Variants in NMNAT2 observed in about 807,000 individuals in gnomAD.
NMNAT2 encodes nicotinamide/nicotinic acid mononucleotide adenylyltransferase 2.
A neutral mutation model predicts 41.6 loss-of-function variants in NMNAT2; 11 were observed. That is an observed-to-expected ratio of 0.26 (90% CI 0.17 to 0.44). The LOEUF is 0.44. Ranked by LOEUF, NMNAT2 falls within the 20% of genes least tolerant of loss-of-function variation. NMNAT2 has a pLI of 1.00. For missense variants in NMNAT2, 288 were observed against 407.7 expected (o/e 0.71, Z 2.53); for synonymous variants, 148 against 151.2 (o/e 0.98, Z 0.16).
chr1:183,337,981 C>T (rs1662711029), intron 1 of NMNAT2, among the ~76,000 whole-genome samples: 2 of 151,904 alleles, frequency 1.3e-5, no homozygotes. Context: ...ACTGGTTGTT[C>T]TCTTATTATT....
intron 1 of NMNAT2, among the ~76,000 whole-genome samples, chr1:183,405,409 T>C (rs1025351051): frequency 2.6e-5 from 4 of 152,230 alleles, no homozygotes; most frequent in Non-Finnish European, 5.9e-5. Context: ...TGTTTACTTT[T>C]GCATATGTTT....
chr1:183,278,480 G>T, intron 8 of NMNAT2, 73 bp downstream of exon 8: 1 of 1,033,850 alleles, frequency 9.7e-7, no homozygotes, highest in Non-Finnish European at 1.5e-6. Flanking sequence ...GAAGACAGGA[G>T]GCCAAAATCA....
intron 1 of NMNAT2, among the ~76,000 whole-genome samples, chr1:183,342,125 C>T (rs114873994): frequency 1.3e-5 from 2 of 151,446 alleles, no homozygotes; most frequent in African/African-American, 4.9e-5. Flanking sequence ...GAGTGAGAAA[C>T]CTTCCACACT....
chr1:183,385,272 C>T (rs1311571485), intron 1 of NMNAT2, among the ~76,000 whole-genome samples: 5 of 152,070 alleles, frequency 3.3e-5, no homozygotes, highest in Non-Finnish European at 4.4e-5. Flanking sequence ...CAGGTATATA[C>T]GTGTGCCTGC....
At chr1:183,290,052 C>G in intron 4 of NMNAT2, 76 bp downstream of exon 4, 1 of 1,212,640 alleles carries the variant, frequency 8.2e-7, no homozygotes. Flanking sequence ...CTCTCCCTGC[C>G]TGGTTTCTGT....
At chr1:183,371,660 G>A (rs866722331) in intron 1 of NMNAT2, among the ~76,000 whole-genome samples, 21 of 152,326 alleles carry the variant, frequency 1.4e-4, no homozygotes, top group African/African-American at 4.8e-4. Context: ...AGTTTGAAGG[G>A]CCTGAAACTC....
chr1:183,385,768 G>C (rs1322434363), intron 1 of NMNAT2, among the ~76,000 whole-genome samples: 1 of 152,102 alleles, frequency 6.6e-6, no homozygotes, highest in Non-Finnish European at 1.5e-5. Context: ...ATCTGCATAT[G>C]GCATCATTTG....
chr1:183,292,015 T>C (rs533021432), intron 3 of NMNAT2, among the ~76,000 whole-genome samples: 184 of 152,196 alleles, frequency 1.2e-3, no homozygotes, highest in Non-Finnish European at 2.2e-3. Flanking sequence ...CATTCCTCAT[T>C]CTGAGGTCAG....
At chr1:183,413,756 G>T (rs1231415535) in intron 1 of NMNAT2, among the ~76,000 whole-genome samples, 2 of 151,614 alleles carry the variant, frequency 1.3e-5, no homozygotes, top group East Asian at 3.9e-4. Flanking sequence ...ACAGGCGCCC[G>T]CAACCACGCC....
intron 1 of NMNAT2, among the ~76,000 whole-genome samples, chr1:183,372,756 C>A (rs1315708624): frequency 6.6e-6 from 1 of 152,112 alleles, no homozygotes; most frequent in African/African-American, 2.4e-5. Flanking sequence ...TGGACGGTGA[C>A]CAAGATGGAC....
chr1:183,325,878 C>T (rs1365228859), intron 1 of NMNAT2, among the ~76,000 whole-genome samples: 6 of 152,160 alleles, frequency 3.9e-5, no homozygotes, highest in South Asian at 2.1e-4. Context: ...TATTCTATCC[C>T]GGGTACCCAG....
intron 1 of NMNAT2, among the ~76,000 whole-genome samples, chr1:183,397,184 G>A (rs773305532): frequency 7.9e-5 from 12 of 152,038 alleles, no homozygotes; most frequent in East Asian, 1.9e-4. Flanking sequence ...TTTCCAACCC[G>A]TCCTTGAATT....
rs190389741 is a variant in NMNAT2, at chr1:183,367,953, G to A, written c.85+50230C>T. On this transcript the variant is annotated intron_variant, in intron 1 of 10. Transcript: ENST00000287713. ...GCACAAGCTATTCTGTTACTAGTCTGCAACTCAATAAGCAAAGAAATGGAG... is the reference window on the plus strand; with the variant it reads ...GCACAAGCTATTCTGTTACTAGTCTACAACTCAATAAGCAAAGAAATGGAG... Among the ~76,000 whole-genome samples the A allele has an allele frequency of 1.1e-3, 171 of 152,198 alleles. 5 individuals carry two copies. The highest frequency in any genetic ancestry group is 1.9e-4 in the East Asian group (1 of 5,188).
At chr1:183,331,420 T>C (rs967135635) in intron 1 of NMNAT2, among the ~76,000 whole-genome samples, 1 of 152,012 alleles carries the variant, frequency 6.6e-6, no homozygotes, top group African/African-American at 2.4e-5. Context: ...ATAGACAAGA[T>C]GAAAGGCAGG....
intron 1 of NMNAT2, among the ~76,000 whole-genome samples, chr1:183,370,842 C>T (rs1012924765): frequency 9.9e-5 from 15 of 152,202 alleles, no homozygotes; most frequent in African/African-American, 3.1e-4. Flanking sequence ...CCTTGACTGG[C>T]GGGCAGATTG....
chr1:183,403,987 G>A (rs577243679), intron 1 of NMNAT2, among the ~76,000 whole-genome samples: 18 of 152,214 alleles, frequency 1.2e-4, no homozygotes, highest in South Asian at 1.0e-3. Flanking sequence ...GAAGAAAAAG[G>A]GTCCCTATTT....
intron 3 of NMNAT2, among the ~76,000 whole-genome samples, chr1:183,291,986 T>C (rs1184530060): frequency 6.6e-6 from 1 of 152,216 alleles, no homozygotes; most frequent in African/African-American, 2.4e-5. Flanking sequence ...CACCCCGCTC[T>C]TCCTGGGCAA....
intron 1 of NMNAT2, among the ~76,000 whole-genome samples, chr1:183,331,238 A>G (rs1662576764): frequency 8.5e-6 from 1 of 117,646 alleles, no homozygotes; most frequent in South Asian, 3.4e-4. Flanking sequence ...GCAGACATCA[A>G]TCAAGCTGCT....
chr1:183,325,196 A>T (rs1384902337), intron 1 of NMNAT2, among the ~76,000 whole-genome samples: 1 of 152,210 alleles, frequency 6.6e-6, no homozygotes, highest in African/African-American at 2.4e-5. Context: ...CAAGTCAAAA[A>T]GCTGAGGCCC....
Sources: gnomAD v4.1 joint callset for allele counts (sites outside exome capture counted in the v4.1 genomes callset) on GRCh38, gnomAD v4.1.1 for gene constraint, MANE v1.5 for transcripts, NCBI Gene and HGNC (gene_info 2026-07-23, HGNC 2026-07-21) for gene names.